Variants in SH2D6 observed in about 807,000 individuals in gnomAD.
The protein encoded by SH2D6 is SH2 domain containing 6, also known as SH2 domain-containing protein 6.
SH2D6 carries 31 observed loss-of-function variants against 30.2 expected under a neutral mutation model. That is an observed-to-expected ratio of 1.03 (90% CI 0.77 to 1.38). The LOEUF is 1.38. Ranked by LOEUF, SH2D6 falls within the 40% of genes most tolerant of loss-of-function variation. The pLI is 0.00. For missense variants in SH2D6, 240 were observed against 266.8 expected, an observed-to-expected ratio of 0.90 and a Z score of 0.70; for synonymous variants, 93 against 104.6, an observed-to-expected ratio of 0.89 and a Z score of 0.68.
At chr2:85,424,218 T>G (rs970296232) in intron 5 of SH2D6, among the ~76,000 whole-genome samples, 9 of 152,212 alleles carry the variant, frequency 5.9e-5, no homozygotes, top group Non-Finnish European at 1.3e-4. Flanking sequence ...GGAATCCTTG[T>G]GTCATCAGTA....
Position 85,433,621 on chromosome 2 carries a change from G to T in SH2D6, c.444G>T (p.Glu148Asp). Residue 148 changes from glutamate to aspartate, a missense_variant, in exon 16 of 24, where the codon GAG becomes GAT. By Grantham distance (45) the Glu-to-Asp change is conservative. Transcript: ENST00000469800. ...KPDEDLYLEC[E>D]PDPVLALTQT... ...ATGAGGACCTCTACTTGGAATGTGA[G>T]CCGGATCCAGGTGAGCCCCTCCCTC... 3.0e-6 allele frequency: 3 copies of T among 1,015,844 alleles called. No individual in the cohort carries two copies. The highest frequency in any genetic ancestry group is 3.5e-6 in the Non-Finnish European group (3 of 848,798). The allele number at this position is 1,015,844 out of a possible 1,614,324, so 62.9% of individuals were successfully genotyped here.
chr2:85,432,382 T>C (rs1411739989), intron 14 of SH2D6, among the ~76,000 whole-genome samples: 5 of 130,148 alleles, frequency 3.8e-5, no homozygotes, highest in Non-Finnish European at 9.2e-5. Context: ...TTTTTATTTA[T>C]TTATTTTTTT....
At chr2:85,425,010 G>A (rs947887778) in intron 5 of SH2D6, among the ~76,000 whole-genome samples, 4 of 152,048 alleles carry the variant, frequency 2.6e-5, no homozygotes, top group Non-Finnish European at 5.9e-5. Flanking sequence ...AGGTTGCAGT[G>A]AGCCAAGATC....
rs947071695 is a variant in SH2D6 at position 85,430,829 on chromosome 2, A to T, written c.250+177A>T. On this transcript the variant is annotated intron_variant, in intron 12 of 23. Coordinates refer to ENST00000469800, the MANE Select transcript of SH2D6 (RefSeq NM_001394463.1). The surrounding 1 kb of genome is among the most constrained non-coding windows in gnomAD (Gnocchi z 4.3). The stretch of plus-strand genomic sequence containing the variant: ...TGGCTGGGCAGGGAGAGAGAGAGGG[A>T]TGAAGGAACGGAGGGAGGGAGGGTG... 7.6e-6 allele frequency among the ~76,000 whole-genome samples: 1 copy of T among 131,412 alleles called. No individual in the cohort carries two copies. Among genetic ancestry groups the T allele is most frequent in the Non-Finnish European group, 1.6e-5 (1 of 62,758 alleles). The allele number at this position is 131,412 out of a possible 152,430, so 86.2% of individuals were successfully genotyped here.
At chr2:85,425,257 CTTTTT>C (rs56321596) in intron 5 of SH2D6, 46 bp from the exon 6 acceptor site, 2 of 96,160 alleles carry the variant, frequency 2.1e-5, no homozygotes, top group Admixed American at 1.1e-4. Flanking sequence ...TTCTTTCTTT[CTTTTT>C]TTTTTTTTTT....
chr2:85,435,190 A>G, intron 20 of SH2D6, 67 bp downstream of exon 20: 2 of 1,516,578 alleles, frequency 1.3e-6, no homozygotes, highest in Admixed American at 3.7e-5. Context: ...GTCCTTACCC[A>G]GGAACCCTCT....
rs1687642478 is a variant in SH2D6, at chr2:85,418,763, A to C, written c.-960A>C. 2 of 152,228 alleles carry C rather than the reference A, an allele frequency of 1.3e-5. No individual in the cohort carries two copies. Among genetic ancestry groups the C allele is most frequent in the South Asian group, 4.1e-4 (2 of 4,848 alleles). The allele number at this position is 152,228 out of a possible 1,614,324, so 9.4% of individuals were successfully genotyped here. A position where few individuals can be genotyped will look rare whatever the true frequency, so the allele number is the denominator to read the frequency against. Reference sequence around the variant, plus strand: ...TCCGGACGCAAAGATTGCGCCAGCCAGGGTGGGATCCCGGTAGCTAGGTGG... The same window carrying C: ...TCCGGACGCAAAGATTGCGCCAGCCCGGGTGGGATCCCGGTAGCTAGGTGG... On this transcript the variant is annotated 5_prime_UTR_variant, in exon 1 of 24. Transcript: ENST00000469800.
chr2:85,423,299 T>A (rs564350665), intron 5 of SH2D6, among the ~76,000 whole-genome samples: 4 of 152,320 alleles, frequency 2.6e-5, no homozygotes, highest in Admixed American at 1.3e-4. Flanking sequence ...TGGCACAATT[T>A]CGGCTCACTG....
intron 19 of SH2D6, 197 bp downstream of exon 19, chr2:85,434,694 A>C: frequency 7.3e-7 from 1 of 1,362,330 alleles, no homozygotes; most frequent in Admixed American, 2.8e-5. Flanking sequence ...GGCCTGCCCC[A>C]GCCCCAGCCC....
In SH2D6 at chr2:85,433,105, G is replaced by GT. The variant is rs1191121719; in HGVS notation, c.378dup (p.Ala127CysfsTer14). On this transcript the variant is annotated frameshift_variant, in exon 15 of 24. Coordinates refer to ENST00000469800, the MANE Select transcript of SH2D6 (RefSeq NM_001394463.1). LOFTEE classifies it high-confidence loss of function. ...TCTCTCCTTTTCCTTTCAGAGCAGG[G>GT]TGCATCGTCCAGAGTGGTGAGCAGC... 1 of 985,844 alleles carries GT rather than the reference G, an allele frequency of 1.0e-6. No individual in the cohort carries two copies. The highest frequency in any genetic ancestry group is 1.2e-6 in the Non-Finnish European group (1 of 829,990). The allele number at this position is 985,844 out of a possible 1,614,324, so 61.1% of individuals were successfully genotyped here.
intron 22 of SH2D6, among the ~76,000 whole-genome samples, 197 bp from the exon 23 acceptor site, chr2:85,436,269 T>C (rs979527812): frequency 1.3e-5 from 2 of 152,108 alleles, no homozygotes; most frequent in Non-Finnish European, 2.9e-5. Flanking sequence ...GGCGTGCCCA[T>C]GGGTGCAGCA....
chr2:85,423,714 C>T (rs1403109463), intron 5 of SH2D6, among the ~76,000 whole-genome samples: 4 of 152,220 alleles, frequency 2.6e-5, no homozygotes, highest in Admixed American at 2.0e-4. Context: ...ACAGCTGTCC[C>T]GAGTCAGCTG....
intron 5 of SH2D6, 69 bp from the exon 6 acceptor site, chr2:85,425,239 A>AAGT (rs1478696010): frequency 6.7e-6 from 1 of 150,080 alleles, no homozygotes; most frequent in Non-Finnish European, 1.5e-5. Flanking sequence ...CCCCAAATTA[A>AAGT]AGTTCTTTTC....
In SH2D6 at chr2:85,435,092, T is replaced by A. The variant is rs1689274320; in HGVS notation, c.617T>A (p.Val206Glu). ...GGAAGGAAATCGTCTCTTCCCTCTG[T>A]AGCCCCCACTGGGAGTGCCTCAGCT... ...KEGRKSSLPS[V>E]APTGSASAAE... The change falls in exon 20 of 24, where the codon GTA becomes GAA. Residue 206 changes from valine to glutamate, a missense_variant. Coordinates refer to ENST00000469800, the MANE Select transcript of SH2D6 (RefSeq NM_001394463.1). 1 of 1,487,970 alleles carries A rather than the reference T, an allele frequency of 6.7e-7. No homozygotes were observed. Among genetic ancestry groups the A allele is most frequent in the Admixed American group, 1.8e-5 (1 of 55,912 alleles). 92.2% of individuals were successfully genotyped at this position (1,487,970 alleles called of 1,614,324 possible). A position where few individuals can be genotyped will look rare whatever the true frequency, so the allele number is the denominator to read the frequency against.
chr2:85,434,108 C>G lies in SH2D6; in HGVS notation c.530C>G (p.Pro177Arg), dbSNP rs1689097465. 1 of 1,550,310 alleles carries G rather than the reference C, an allele frequency of 6.5e-7. No homozygotes were observed. The highest frequency in any genetic ancestry group is 1.4e-5 in the African/African-American group (1 of 73,016). Reference protein sequence around the residue: ...SGPLPRTSVVPRPTTAPQETR... With the variant: ...SGPLPRTSVVRRPTTAPQETR... ...CCTCTGCCCAGGACATCAGTGGTGC[C>G]CAGGTAAGTGCCCCACCAGGTGTGC... The change falls in exon 17 of 24, where the codon CCC (proline) becomes CGC (arginine). Residue 177 changes from proline (P) to arginine (R), a missense_variant. Physicochemically the swap from Pro to Arg is moderately radical, Grantham distance 103. Transcript: ENST00000469800.
chr2:85,435,042 G>T, intron 19 of SH2D6, 23 bp from the exon 20 acceptor site: 1 of 330,824 alleles, frequency 3.0e-6, no homozygotes, highest in Admixed American at 5.1e-5. Flanking sequence ...CCCCACCCCA[G>T]CTCAATAATC....
rs1688942420 is a variant in SH2D6 at position 85,433,042 on chromosome 2, G to A, written c.371-57G>A. The A allele has an allele frequency of 6.1e-6, 6 of 985,776 alleles. No individual in the cohort carries two copies. The Admixed American group carries it at 3.7e-4, about 61-fold the overall frequency. The allele number at this position is 985,776 out of a possible 1,614,324, so 61.1% of individuals were successfully genotyped here. ...CTGCTTTTTCAGCCTCAGTCCCGCTGAATTCCTTTCTGCTCCCTGCCGTGC... is the reference window on the plus strand; with the variant it reads ...CTGCTTTTTCAGCCTCAGTCCCGCTAAATTCCTTTCTGCTCCCTGCCGTGC... On this transcript the variant is annotated intron_variant, in intron 14 of 23. Coordinates refer to ENST00000469800, the MANE Select transcript of SH2D6 (RefSeq NM_001394463.1).
At chr2:85,436,801 C>G in intron 23 of SH2D6, 36 bp from the exon 24 acceptor site, 1 of 528,638 alleles carries the variant, frequency 1.9e-6, no homozygotes, top group Admixed American at 3.2e-5. Context: ...CTCTCTGTTG[C>G]CTCTCCAAGG....
At chr2:85,426,034 G>C (rs1021246099) in intron 6 of SH2D6, among the ~76,000 whole-genome samples, 1 of 152,186 alleles carries the variant, frequency 6.6e-6, no homozygotes, top group Non-Finnish European at 1.5e-5. Context: ...AGCCAAAAAG[G>C]ATGGCAGATG....
Sources: gnomAD v4.1 joint callset for allele counts (sites outside exome capture counted in the v4.1 genomes callset) on GRCh38, gnomAD v4.1.1 for gene constraint, Gnocchi (gnomAD v3.1) non-coding constraint, MANE v1.5 for transcripts, NCBI Gene and HGNC (gene_info 2026-07-23, HGNC 2026-07-21) for gene names.